TDRP: variants seen among roughly 807,000 people sequenced by gnomAD.
TDRP encodes the protein testis development-related protein.
In TDRP, 12 loss-of-function variants were observed where a neutral mutation model predicts 10.5. The observed-to-expected ratio is 1.15, with a 90% CI of 0.73 to 1.86. The LOEUF is 1.86. Ranked by LOEUF, TDRP falls within the 40% of genes most tolerant of loss-of-function variation. The pLI, the probability that TDRP is intolerant of heterozygous loss-of-function variation, is 0.00. For missense variants in TDRP, 353 were observed against 229.2 expected, an observed-to-expected ratio of 1.54 and a Z score of -3.49; for synonymous variants, 139 against 95.4, an observed-to-expected ratio of 1.46 and a Z score of -2.67.
intron 1 of TDRP, among the ~76,000 whole-genome samples, chr8:514,103 T>C (rs1054708051): frequency 2.0e-5 from 3 of 152,142 alleles, no homozygotes; most frequent in Admixed American, 1.3e-4. Flanking sequence ...GACTCTAAGA[T>C]GCATACAAAA....
intron 2 of TDRP, among the ~76,000 whole-genome samples, chr8:493,459 T>C (rs1174287313): frequency 3.9e-5 from 6 of 152,248 alleles, no homozygotes; most frequent in Non-Finnish European, 7.3e-5. Flanking sequence ...AAGGGCCATG[T>C]GTCTGTCCTC....
At chr8:524,151 T>C (rs1199227137) in intron 1 of TDRP, among the ~76,000 whole-genome samples, 5 of 152,226 alleles carry the variant, frequency 3.3e-5, no homozygotes, top group Non-Finnish European at 7.3e-5. Flanking sequence ...CAAGAGTTTC[T>C]GCCTGGTAAT....
chr8:518,973 T>C (rs1189388012), intron 1 of TDRP, among the ~76,000 whole-genome samples: 1 of 152,168 alleles, frequency 6.6e-6, no homozygotes, highest in Admixed American at 6.5e-5. Context: ...AGGAGGCTGG[T>C]AGAGCTTCAG....
chr8:509,656 G>A (rs892451505), intron 1 of TDRP, among the ~76,000 whole-genome samples: 1 of 152,152 alleles, frequency 6.6e-6, no homozygotes, highest in Non-Finnish European at 1.5e-5. Context: ...CCTGTGATGG[G>A]AGGGGCTGCC....
intron 1 of TDRP, among the ~76,000 whole-genome samples, chr8:513,953 G>A (rs1222882795): frequency 6.6e-6 from 1 of 152,102 alleles, no homozygotes; most frequent in Admixed American, 6.5e-5. Flanking sequence ...TAAATGATCT[G>A]AATAACTGGA....
At chr8:526,498 G>C (rs1802038770) in intron 1 of TDRP, among the ~76,000 whole-genome samples, 2 of 152,236 alleles carry the variant, frequency 1.3e-5, no homozygotes, top group South Asian at 2.1e-4. Context: ...TCATTGTGTT[G>C]ATATGATGTA....
At position 518,213 on chromosome 8, in the gene TDRP, G is replaced by A. The variant is rs879630723; in HGVS notation, c.109-23616C>T. ...TAGCAGGGAAGGTAGGGAAGGTAGG[G>A]AAGGTAGGGGCCAGGAGGCACCTAA... On this transcript the variant is annotated intron_variant, in intron 1 of 2. Coordinates refer to ENST00000324079, the MANE Select transcript of TDRP (RefSeq NM_001384899.1). 5.9e-5 allele frequency among the ~76,000 whole-genome samples: 9 copies of A among 152,310 alleles called. No individual in the cohort carries two copies. The South Asian group carries it at 1.4e-3, about 25-fold the overall frequency.
intron 1 of TDRP, among the ~76,000 whole-genome samples, chr8:518,922 T>G (rs1050742321): frequency 6.6e-6 from 1 of 152,166 alleles, no homozygotes; most frequent in African/African-American, 2.4e-5. Flanking sequence ...CCTGAAAGTA[T>G]TGGAATTTAC....
intron 1 of TDRP, among the ~76,000 whole-genome samples, chr8:532,958 A>G (rs1802246345): frequency 6.6e-6 from 1 of 152,152 alleles, no homozygotes; most frequent in Non-Finnish European, 1.5e-5. Flanking sequence ...CTTTACAGTA[A>G]AAGTTTGCTG....
At chr8:544,452 C>G (rs1383157395) in intron 1 of TDRP, among the ~76,000 whole-genome samples, 198 bp downstream of exon 1, 4 of 152,118 alleles carry the variant, frequency 2.6e-5, no homozygotes, top group Non-Finnish European at 5.9e-5. Context: ...CAGCCCAGGA[C>G]GAGCCTCGGG....
intron 1 of TDRP, among the ~76,000 whole-genome samples, chr8:528,269 TGA>T (rs767970341): frequency 7.2e-5 from 11 of 152,078 alleles, no homozygotes; most frequent in Non-Finnish European, 1.6e-4. Flanking sequence ...CAAATGCTGG[TGA>T]GGATGTGGAG....
intron 1 of TDRP, among the ~76,000 whole-genome samples, chr8:515,617 C>G (rs1801738291): frequency 6.6e-6 from 1 of 152,168 alleles, no homozygotes; most frequent in Non-Finnish European, 1.5e-5. Context: ...AAATAAATGA[C>G]ATTCTAGTTG....
intron 1 of TDRP, among the ~76,000 whole-genome samples, chr8:534,502 C>G (rs1227383214): frequency 6.6e-6 from 1 of 152,206 alleles, no homozygotes; most frequent in Non-Finnish European, 1.5e-5. Flanking sequence ...ATCTCTAACA[C>G]AGGTGCTCCC....
chr8:524,513 G>C (rs866198466), intron 1 of TDRP, among the ~76,000 whole-genome samples: 2 of 152,114 alleles, frequency 1.3e-5, no homozygotes, highest in Admixed American at 1.3e-4. Context: ...CTACTTTGAG[G>C]AAACTCAACA....
intron 1 of TDRP, among the ~76,000 whole-genome samples, chr8:522,805 T>C (rs1801940766): frequency 6.6e-6 from 1 of 152,214 alleles, no homozygotes; most frequent in African/African-American, 2.4e-5. Flanking sequence ...GTGACAGTTT[T>C]TGACTTTTAT....
intron 1 of TDRP, among the ~76,000 whole-genome samples, chr8:510,563 A>C (rs1229010937): frequency 6.6e-6 from 1 of 152,264 alleles, no homozygotes; most frequent in African/African-American, 2.4e-5. Context: ...GAATGCCGGA[A>C]GGCAGTGGAA....
At position 540,925 on chromosome 8, in the gene TDRP, G is replaced by A. The variant is rs149355476; in HGVS notation, c.108+3725C>T. The stretch of plus-strand genomic sequence containing the variant: ...AGCAGAATGTGCTCTCAACCTGCAC[G>A]TTTAACATCACACTGACTGACAGAT... On this transcript the variant is annotated intron_variant, in intron 1 of 2. Transcript: ENST00000324079. Among the ~76,000 whole-genome samples the A allele has an allele frequency of 1.0e-2, 1,519 of 151,976 alleles. 27 individuals carry two copies. Among genetic ancestry groups the A allele is most frequent in the African/African-American group, 0.034 (1,395 of 41,454 alleles).
intron 1 of TDRP, among the ~76,000 whole-genome samples, chr8:520,953 T>C: frequency 1.3e-5 from 2 of 152,198 alleles, no homozygotes; most frequent in East Asian, 3.9e-4. Context: ...CTTCAATTTG[T>C]CTATTTTTGC....
At chr8:499,091 T>C (rs567805892) in intron 1 of TDRP, among the ~76,000 whole-genome samples, 1 of 152,202 alleles carries the variant, frequency 6.6e-6, no homozygotes, top group East Asian at 1.9e-4. Context: ...TAAGATTCCA[T>C]TTCTGGTATC....
Sources: gnomAD v4.1 joint callset for allele counts (sites outside exome capture counted in the v4.1 genomes callset) on GRCh38, gnomAD v4.1.1 for gene constraint, MANE v1.5 for transcripts, NCBI Gene and HGNC (gene_info 2026-07-23, HGNC 2026-07-21) for gene names.